Variants in CSMD3 observed in about 807,000 individuals in gnomAD.
CSMD3 encodes CUB and sushi domain-containing protein 3.
A neutral mutation model predicts 435.2 loss-of-function variants in CSMD3; 177 were observed. That is an observed-to-expected ratio of 0.41 (90% confidence interval 0.36 to 0.46). CSMD3 has a LOEUF of 0.46. CSMD3 is among the 20% of genes least tolerant of loss of function. The pLI is 0.34. For synonymous variants in CSMD3, 1,656 were observed against 1,520.5 expected (o/e 1.09, Z -2.07); for missense variants, 4,265 against 4,504.6 (o/e 0.95, Z 1.52).
At chr8:112,336,906 C>T in intron 43 of CSMD3, 77 bp from the exon 44 acceptor site, 1 of 1,189,302 alleles carries the variant, frequency 8.4e-7, no homozygotes, top group Non-Finnish European at 1.2e-6. Context: ...GCAAACATTT[C>T]ACATATCTTA....
chr8:113,268,156 A>G (rs2093487800), intron 3 of CSMD3, among the ~76,000 whole-genome samples: 1 of 151,824 alleles, frequency 6.6e-6, no homozygotes, highest in African/African-American at 2.4e-5. Flanking sequence ...TATATTACAA[A>G]ATAACTTTTA....
intron 63 of CSMD3, among the ~76,000 whole-genome samples, chr8:112,252,140 C>G (rs941872753): frequency 2.0e-5 from 3 of 151,732 alleles, no homozygotes; most frequent in African/African-American, 7.2e-5. Context: ...CTTTCTCTTG[C>G]TCTTCCCAAA....
At chr8:113,303,215 G>T (rs1316150550) in intron 2 of CSMD3, among the ~76,000 whole-genome samples, 97 of 140,262 alleles carry the variant, frequency 6.9e-4, no homozygotes, top group African/African-American at 2.5e-3. Context: ...GGATGTGAAG[G>T]ACCTCTTCAA....
intron 1 of CSMD3, among the ~76,000 whole-genome samples, chr8:113,387,868 C>T (rs1477095122): frequency 6.6e-6 from 1 of 151,668 alleles, no homozygotes; most frequent in African/African-American, 2.4e-5. Context: ...GTCATTTTCT[C>T]ATGTTATCCC....
intron 3 of CSMD3, among the ~76,000 whole-genome samples, chr8:113,182,992 T>C (rs2092445839): frequency 6.6e-6 from 1 of 151,906 alleles, no homozygotes. Flanking sequence ...CCCATGTGGG[T>C]AGGCAAATAA....
intron 32 of CSMD3, among the ~76,000 whole-genome samples, chr8:112,468,232 G>GTGTTTTTTTTTTTT: frequency 8.7e-6 from 1 of 114,882 alleles, no homozygotes; most frequent in South Asian, 2.9e-4. Flanking sequence ...ATTGCCTAAA[G>GTGTTTTTTTTTTTT]TATTTTTTTT....
At chr8:112,533,949 G>C (rs575384751) in intron 27 of CSMD3, among the ~76,000 whole-genome samples, 37 of 151,834 alleles carry the variant, frequency 2.4e-4, no homozygotes, top group Non-Finnish European at 2.4e-4. Context: ...AGAAATCAAA[G>C]ACAAAAGAAA....
At chr8:112,777,541 T>C (rs995274995) in intron 13 of CSMD3, among the ~76,000 whole-genome samples, 1 of 151,848 alleles carries the variant, frequency 6.6e-6, no homozygotes, top group African/African-American at 2.4e-5. Flanking sequence ...ACAAAGATAA[T>C]TCAATTTGAG....
In CSMD3 at chr8:112,343,005, ATATATATATATT is replaced by A. The variant is rs1452621410; in HGVS notation, c.6443-1331_6443-1320del. On this transcript the variant is annotated intron_variant, in intron 41 of 70. Coordinates refer to ENST00000297405, the MANE Select transcript of CSMD3 (RefSeq NM_198123.2). ...TATATATTTATATATATATATTTAT[ATATATATATATT>A]TATATATATATATATAGTTTAAATA... Among the ~76,000 whole-genome samples the A allele has an allele frequency of 7.9e-3, 761 of 96,018 alleles. 6 individuals are homozygous for A. Among genetic ancestry groups the A allele is most frequent in the Middle Eastern group, 0.028 (3 of 108 alleles). The allele number at this position is 96,018 out of a possible 152,430, so 63.0% of individuals were successfully genotyped here.
intron 27 of CSMD3, among the ~76,000 whole-genome samples, chr8:112,531,991 T>C (rs926188104): frequency 4.0e-5 from 6 of 151,684 alleles, no homozygotes; most frequent in Admixed American, 3.9e-4. Context: ...ATAATCAGTT[T>C]AGAAGTTTAT....
intron 55 of CSMD3, among the ~76,000 whole-genome samples, chr8:112,292,298 A>G: frequency 6.6e-6 from 1 of 152,166 alleles, no homozygotes; most frequent in Non-Finnish European, 1.5e-5. Flanking sequence ...TTTAACTTTT[A>G]AAAATATAAG....
In CSMD3 at chr8:112,346,189, T is replaced by C. The variant is rs1221907590; in HGVS notation, c.6350A>G (p.Asp2117Gly). The change falls in exon 41 of 71, where the codon GAC becomes GGC. Residue 2117 changes from aspartate to glycine, a missense_variant. This residue lies in a region of CSMD3 where 3,255 missense variants were observed against 3,380.2 expected (regional missense o/e 0.96). Transcript: ENST00000297405. ...AGGACTGAGGATCACACCACTGAAG[T>C]CTGACATAGCACCACCACACTGAGC... Reference protein sequence around the residue: ...CLAQCGGAMSDFSGVILSPGF... With the variant: ...CLAQCGGAMSGFSGVILSPGF... 1 of 1,612,496 alleles carries C rather than the reference T, an allele frequency of 6.2e-7. No homozygotes were observed. Among genetic ancestry groups the C allele is most frequent in the Non-Finnish European group, 8.5e-7 (1 of 1,178,650 alleles).
intron 50 of CSMD3, chr8:112,310,173 G>C (rs1297400857): frequency 6.6e-6 from 1 of 152,122 alleles, no homozygotes; most frequent in African/African-American, 2.4e-5. Flanking sequence ...CTACACTTAC[G>C]TAAGAGACTC....
intron 38 of CSMD3, among the ~76,000 whole-genome samples, chr8:112,360,283 A>T (rs1034956033): frequency 6.6e-6 from 1 of 151,950 alleles, no homozygotes; most frequent in Non-Finnish European, 1.5e-5. Flanking sequence ...CATATATATA[A>T]AAAACTATCA....
chr8:113,398,228 G>T (rs567896351), intron 1 of CSMD3, among the ~76,000 whole-genome samples: 1 of 152,184 alleles, frequency 6.6e-6, no homozygotes, highest in South Asian at 2.1e-4. Flanking sequence ...TTTTGCTTAA[G>T]GTATGAAATA....
chr8:112,925,138 C>T (rs2082871030), intron 9 of CSMD3, among the ~76,000 whole-genome samples: 1 of 151,992 alleles, frequency 6.6e-6, no homozygotes, highest in South Asian at 2.1e-4. Flanking sequence ...CCTTATGTTC[C>T]AAATACCATT....
At chr8:112,875,948 T>G (rs1402442072) in intron 10 of CSMD3, among the ~76,000 whole-genome samples, 1 of 152,134 alleles carries the variant, frequency 6.6e-6, no homozygotes, top group African/African-American at 2.4e-5. Flanking sequence ...CTCTATCCAG[T>G]TTTGTTCCCT....
At chr8:113,003,488 G>T (rs974174309) in intron 6 of CSMD3, among the ~76,000 whole-genome samples, 4 of 151,896 alleles carry the variant, frequency 2.6e-5, no homozygotes, top group Non-Finnish European at 4.4e-5. Flanking sequence ...TTAAAATAAG[G>T]ATAATGTCTA....
chr8:113,270,624 A>C (rs1336605603), intron 3 of CSMD3, among the ~76,000 whole-genome samples: 1 of 152,084 alleles, frequency 6.6e-6, no homozygotes. Flanking sequence ...GCACATATAC[A>C]CCATGGAATA....
Sources: gnomAD v4.1 joint callset for allele counts (sites outside exome capture counted in the v4.1 genomes callset) on GRCh38, gnomAD v4.1.1 for gene constraint, gnomAD v4.1.1 regional missense constraint, MANE v1.5 for transcripts, NCBI Gene and HGNC (gene_info 2026-07-23, HGNC 2026-07-21) for gene names.